CPSF4L: variants seen among roughly 807,000 people sequenced by gnomAD.
CPSF4L encodes the protein putative cleavage and polyadenylation specificity factor subunit 4-like protein.
Under a neutral mutation model 24.0 loss-of-function variants are expected in CPSF4L, and 18 were observed. The observed-to-expected ratio is 0.75, with a 90% CI of 0.52 to 1.11. The LOEUF is 1.11. CPSF4L is among the 50% of genes least tolerant of loss of function. The pLI is 0.00. For synonymous variants in CPSF4L, 72 were observed against 77.2 expected (o/e 0.93, Z 0.35); for missense variants, 211 against 221.8 (o/e 0.95, Z 0.31).
chr17:73,263,594 G>T (rs1436784704), upstream of CPSF4L, among the ~76,000 whole-genome samples: 2 of 151,958 alleles, frequency 1.3e-5, no homozygotes, highest in Non-Finnish European at 1.5e-5. Context: ...TGGCAGAAGC[G>T]GGGGTAAAGA....
intron 3 of CPSF4L, among the ~76,000 whole-genome samples, chr17:73,255,777 T>G (rs2062022848): frequency 6.6e-6 from 1 of 152,124 alleles, no homozygotes; most frequent in African/African-American, 2.4e-5. Context: ...TGGCCAGCAT[T>G]TGATGGATGG....
intron 3 of CPSF4L, among the ~76,000 whole-genome samples, chr17:73,255,000 G>A (rs2062019195): frequency 6.6e-6 from 1 of 152,198 alleles, no homozygotes; most frequent in Non-Finnish European, 1.5e-5. Context: ...TCTGAAGGAA[G>A]CATGGGGGAA....
chr17:73,248,678 C>G (rs1161299027), intron 5 of CPSF4L, 142 bp from the exon 6 acceptor site: 1 of 857,458 alleles, frequency 1.2e-6, no homozygotes, highest in Admixed American at 2.1e-5. Flanking sequence ...TCTGTTACTA[C>G]AAGTTGGGAA....
chr17:73,243,095 T>TTTTTTTTTTTTTTTTTTTTTTG, the CPSF4L span: 1 of 936,784 alleles, frequency 1.1e-6, no homozygotes, highest in Non-Finnish European at 1.6e-6. Flanking sequence ...TTTTTTTTTT[T>TTTTTTTTTTTTTTTTTTTTTTG]TTTTTTACAG....
chr17:73,261,925 C>T (rs1170994789), upstream of CPSF4L: 18 of 807,168 alleles, frequency 2.2e-5, 1 homozygote, highest in East Asian at 4.9e-4. Context: ...CCTCCCCCTT[C>T]ACCCCAGGGT....
chr17:73,247,432 G>A (rs1291476960), downstream of CPSF4L: 1 of 1,283,458 alleles, frequency 7.8e-7, no homozygotes, highest in Non-Finnish European at 1.1e-6. Flanking sequence ...TAACACCTAA[G>A]TGTAGTGGTA....
downstream of CPSF4L, chr17:73,245,230 G>C (rs2061932688): frequency 6.2e-7 from 1 of 1,612,330 alleles, no homozygotes; most frequent in Non-Finnish European, 8.5e-7. Context: ...GAACAGCAAA[G>C]GGCGTACAGT....
chr17:73,260,617 A>G (rs530295434), intron 2 of CPSF4L, among the ~76,000 whole-genome samples: 2 of 152,126 alleles, frequency 1.3e-5, no homozygotes, highest in African/African-American at 4.8e-5. Context: ...AAATGCAAAA[A>G]TTAGCCGGGC....
chr17:73,256,451 T>TG (rs1173378886), intron 3 of CPSF4L, among the ~76,000 whole-genome samples: 10 of 152,172 alleles, frequency 6.6e-5, no homozygotes, highest in Admixed American at 1.3e-4. Context: ...AGCAGCCGCT[T>TG]GGGGGGCCCT....
chr17:73,253,108 C>A (rs2062011887), intron 4 of CPSF4L, among the ~76,000 whole-genome samples: 1 of 152,202 alleles, frequency 6.6e-6, no homozygotes, highest in Non-Finnish European at 1.5e-5. Flanking sequence ...CACCTGTAAT[C>A]CCAGCATTTG....
chr17:73,246,936 G>A (rs966401887), downstream of CPSF4L, among the ~76,000 whole-genome samples: 10 of 152,102 alleles, frequency 6.6e-5, no homozygotes, highest in Non-Finnish European at 1.3e-4. Context: ...ACCTCCCCAT[G>A]TGTCCTTACT....
downstream of CPSF4L, among the ~76,000 whole-genome samples, chr17:73,246,139 G>C (rs1452057304): frequency 6.6e-6 from 1 of 152,170 alleles, no homozygotes; most frequent in Non-Finnish European, 1.5e-5. Context: ...TAGAGGGTTA[G>C]TTATATATCA....
chr17:73,245,661 G>A (rs930299914), downstream of CPSF4L: 18 of 985,316 alleles, frequency 1.8e-5, no homozygotes, highest in African/African-American at 2.8e-4. Flanking sequence ...TTTCTTTGGG[G>A]CCCTTGACCA....
chr17:73,263,679 G>C (rs1218112057), upstream of CPSF4L, among the ~76,000 whole-genome samples: 3 of 151,424 alleles, frequency 2.0e-5, no homozygotes, highest in East Asian at 1.9e-4. Context: ...GCCAGCTTTG[G>C]GGGGAAGTGA....
At chr17:73,254,580 TCTCAGG>T (rs1156398390) in intron 3 of CPSF4L, among the ~76,000 whole-genome samples, 3 of 152,154 alleles carry the variant, frequency 2.0e-5, no homozygotes, top group African/African-American at 7.2e-5. Flanking sequence ...TTAGACCAAG[TCTCAGG>T]TTTAGTTTAT....
intron 3 of CPSF4L, among the ~76,000 whole-genome samples, chr17:73,257,118 A>T (rs1460298721): frequency 1.3e-5 from 2 of 152,326 alleles, no homozygotes; most frequent in East Asian, 1.9e-4. Flanking sequence ...GCACAAGATG[A>T]CTTTAGGTGC....
intron 5 of CPSF4L, among the ~76,000 whole-genome samples, chr17:73,251,264 A>G (rs1295358579): frequency 6.6e-6 from 1 of 152,188 alleles, no homozygotes; most frequent in East Asian, 1.9e-4. Flanking sequence ...ATACCTTTCC[A>G]TCAAAGTTAG....
rs756139516 is a variant in CPSF4L, at chr17:73,257,822, G to C, written c.166C>G (p.Pro56Ala). The C allele has an allele frequency of 1.0e-5, 16 of 1,551,298 alleles. No individual in the cohort carries two copies. The Admixed American group carries it at 1.4e-4, about 13-fold the overall frequency. The change falls in exon 3 of 6, where the codon CCC becomes GCC. Residue 56 changes from proline (P) to alanine (A), a missense_variant. Physicochemically the swap from Pro to Ala is conservative, Grantham distance 27. Transcript: ENST00000344935. ...KGLCEKGKLC[P>A]FRHDRGEKMV... ...TTCTCCCCTCGGTCATGTCGGAAGG[G>C]GCAGAGTTTCCCTGGAGATGCCAGA...
At position 73,261,722 on chromosome 17, in the gene CPSF4L, T is replaced by C. The variant is rs771306249; in HGVS notation, c.97A>G (p.Met33Val). The stretch of plus-strand genomic sequence containing the variant: ...TGGCCCCACCCTCACTCACTGTCCA[T>C]GCCCTGGAAAGGCAGGAGCCCAGTG... ...KGTGLLPFQG[M>V]DKSASAVCNF... Residue 33 changes from methionine (M) to valine (V), a missense_variant, in exon 1 of 6, where the codon ATG (methionine) becomes GTG (valine). Physicochemically the swap from Met to Val is conservative, Grantham distance 21. Transcript: ENST00000344935. 1.9e-6 allele frequency: 3 copies of C among 1,549,180 alleles called. No homozygotes were observed. Among genetic ancestry groups the C allele is most frequent in the Non-Finnish European group, 2.6e-6 (3 of 1,144,754 alleles).
Sources: gnomAD v4.1 joint callset for allele counts (sites outside exome capture counted in the v4.1 genomes callset) on GRCh38, gnomAD v4.1.1 for gene constraint, MANE v1.5 for transcripts, NCBI Gene and HGNC (gene_info 2026-07-23, HGNC 2026-07-21) for gene names.